The following RYR3 variants were observed in gnomAD, a reference collection of about 807,000 sequenced individuals.
The protein encoded by RYR3 is ryanodine receptor 3, also known as brain ryanodine receptor-calcium release channel.
A neutral mutation model predicts 584.3 loss-of-function variants in RYR3; 207 were observed. The ratio of observed to expected loss-of-function variants is 0.35; its 90% CI spans 0.32 to 0.40. The LOEUF (loss-of-function observed/expected upper bound fraction) is 0.40. RYR3 is among the 10% of genes least tolerant of loss of function. The probability of loss-of-function intolerance (pLI) is 1.00; values close to 1 mark genes in which losing one functional copy is unlikely to be tolerated. For missense variants in RYR3, 5,616 were observed against 6,089.2 expected (o/e 0.92, Z 2.59); for synonymous variants, 2,416 against 2,248.5 (o/e 1.07, Z -2.11).
chr15:33,417,401 A>G (rs2043893387), intron 1 of RYR3, among the ~76,000 whole-genome samples: 1 of 151,700 alleles, frequency 6.6e-6, no homozygotes, highest in Non-Finnish European at 1.5e-5. Flanking sequence ...AAGATCTTTC[A>G]CCTCCTTGAT....
intron 10 of RYR3, among the ~76,000 whole-genome samples, chr15:33,559,035 A>G (rs897129317): frequency 2.0e-5 from 3 of 152,150 alleles, no homozygotes; most frequent in African/African-American, 7.2e-5. Context: ...AGTTGCTATT[A>G]GTTGTCTGGT....
chr15:33,553,972 G>GT (rs1050081180), intron 10 of RYR3, among the ~76,000 whole-genome samples: 1 of 152,082 alleles, frequency 6.6e-6, no homozygotes, highest in Non-Finnish European at 1.5e-5. Context: ...GAACATATTT[G>GT]TTTTTTTCTA....
intron 1 of RYR3, among the ~76,000 whole-genome samples, chr15:33,434,014 A>C (rs999423154): frequency 1.3e-5 from 2 of 152,122 alleles, no homozygotes; most frequent in Admixed American, 6.5e-5. Context: ...CAGCATTCCA[A>C]CTGTGGAAGC....
intron 43 of RYR3, among the ~76,000 whole-genome samples, chr15:33,721,503 C>T (rs758841699): frequency 3.0e-4 from 45 of 152,150 alleles, no homozygotes; most frequent in Admixed American, 1.2e-3. Context: ...ATTGTAACCT[C>T]GATTATCGCT....
At chr15:33,525,061 G>C (rs899610638) in intron 3 of RYR3, among the ~76,000 whole-genome samples, 3 of 152,240 alleles carry the variant, frequency 2.0e-5, no homozygotes, top group Non-Finnish European at 4.4e-5. Flanking sequence ...TTGCATGCTA[G>C]TTGTTTTAGA....
At chr15:33,584,745 A>C (rs2058758749) in intron 15 of RYR3, among the ~76,000 whole-genome samples, 1 of 151,884 alleles carries the variant, frequency 6.6e-6, no homozygotes, top group Non-Finnish European at 1.5e-5. Flanking sequence ...CCGTGCCTTC[A>C]TTTTTAATCC....
chr15:33,461,342 T>C lies in RYR3; in HGVS notation c.52-12077T>C, dbSNP rs192619570. Among the ~76,000 whole-genome samples the C allele has an allele frequency of 8.5e-5, 13 of 152,284 alleles. No individual in the cohort carries two copies. In the East Asian group the frequency reaches 1.9e-3, roughly 23 times the overall value. ...TTGAGGAGAATTCTGTCAGCAGAAA[T>C]AGGCTTCACTCCAGTTTCACGGGTA... On this transcript the variant is annotated intron_variant, in intron 1 of 103. Transcript: ENST00000634891.
intron 1 of RYR3, among the ~76,000 whole-genome samples, chr15:33,469,746 C>T (rs2048776887): frequency 6.6e-6 from 1 of 152,096 alleles, no homozygotes; most frequent in South Asian, 2.1e-4. Context: ...GAGGTACAGA[C>T]TGAGTAACAG....
In RYR3 at chr15:33,601,507, G is replaced by GGAGAAACCTACTCCTGCAGACACGAC; in HGVS notation, c.1878_1903dup (p.Leu635ArgfsTer10). 2.5e-6 allele frequency: 4 copies of GGAGAAACCTACTCCTGCAGACACGAC among 1,613,700 alleles called. No homozygotes were observed. Among genetic ancestry groups the GGAGAAACCTACTCCTGCAGACACGAC allele is most frequent in the Non-Finnish European group, 3.4e-6 (4 of 1,179,786 alleles). On this transcript the variant is annotated frameshift_variant, in exon 17 of 104. Transcript: ENST00000634891. LOFTEE classifies it high-confidence loss of function. ...CTGATCTGTGACAACTTGCTGCCCC[G>GGAGAAACCTACTCCTGCAGACACGAC]GAGAAACCTACTCCTGCAGACACGA...
At chr15:33,834,687 T>C (rs2077925831) in intron 86 of RYR3, among the ~76,000 whole-genome samples, 1 of 152,218 alleles carries the variant, frequency 6.6e-6, no homozygotes, top group Non-Finnish European at 1.5e-5. Flanking sequence ...TTAAATATTG[T>C]TCTCCAGTGT....
chr15:33,469,989 A>G (rs561465848), intron 1 of RYR3, among the ~76,000 whole-genome samples: 145 of 152,326 alleles, frequency 9.5e-4, no homozygotes, highest in Middle Eastern at 3.4e-3. Flanking sequence ...TTTGGGAGAC[A>G]GTAAGGCAAT....
chr15:33,670,278 C>CG (rs1435667626), intron 37 of RYR3, 141 bp from the exon 38 acceptor site: 1 of 825,882 alleles, frequency 1.2e-6, no homozygotes, highest in African/African-American at 1.7e-5. Flanking sequence ...TAACTATTCA[C>CG]GAGAATAGTA....
intron 1 of RYR3, among the ~76,000 whole-genome samples, chr15:33,464,646 TA>T (rs2048347054): frequency 1.3e-5 from 2 of 151,470 alleles, no homozygotes; most frequent in African/African-American, 4.8e-5. Context: ...TTATTTAAGG[TA>T]TCAACTTGAT....
intron 70 of RYR3, chr15:33,807,848 C>T (rs2076287347): frequency 2.0e-6 from 1 of 503,154 alleles, no homozygotes. Flanking sequence ...TCTCGGCAGC[C>T]ACCACACTAA....
At chr15:33,728,819 C>T (rs2152818259) in intron 46 of RYR3, 38 bp from the exon 47 acceptor site, 1 of 1,581,192 alleles carries the variant, frequency 6.3e-7, no homozygotes, top group Non-Finnish European at 8.6e-7. Context: ...ACTTTGGAGA[C>T]AGGAAAAGGG....
At chr15:33,743,216 C>CT (rs2070342433) in intron 52 of RYR3, among the ~76,000 whole-genome samples, 1 of 152,080 alleles carries the variant, frequency 6.6e-6, no homozygotes, top group Non-Finnish European at 1.5e-5. Flanking sequence ...AGCTCAGCCT[C>CT]TGTGTGGATG....
At chr15:33,529,911 G>A (rs1259355655) in intron 3 of RYR3, among the ~76,000 whole-genome samples, 2 of 152,164 alleles carry the variant, frequency 1.3e-5, no homozygotes, top group African/African-American at 4.8e-5. Flanking sequence ...CTTTATGTCG[G>A]GCCATCTCTC....
At chr15:33,516,837 C>G (rs2053564243) in intron 3 of RYR3, among the ~76,000 whole-genome samples, 1 of 151,936 alleles carries the variant, frequency 6.6e-6, no homozygotes, top group Non-Finnish European at 1.5e-5. Context: ...TGAGACCTTG[C>G]ACAGCATTCT....
At chr15:33,536,566 G>A (rs570012694) in intron 5 of RYR3, among the ~76,000 whole-genome samples, 55 of 152,282 alleles carry the variant, frequency 3.6e-4, no homozygotes, top group African/African-American at 1.3e-3. Context: ...GTGGGAGAGG[G>A]CAGGGAAGCA....
Sources: gnomAD v4.1 joint callset for allele counts (sites outside exome capture counted in the v4.1 genomes callset) on GRCh38, gnomAD v4.1.1 for gene constraint, MANE v1.5 for transcripts, NCBI Gene and HGNC (gene_info 2026-07-23, HGNC 2026-07-21) for gene names.